The following PKD1L1 variants were observed in gnomAD, a reference collection of about 807,000 sequenced individuals.
PKD1L1 encodes the protein polycystin 1 like 1, transient receptor potential channel interacting.
PKD1L1 carries 236 observed loss-of-function variants against 323.4 expected under a neutral mutation model. The ratio of observed to expected loss-of-function variants is 0.73; its 90% CI spans 0.66 to 0.81. PKD1L1 has a LOEUF of 0.81. PKD1L1 is among the 40% of genes least tolerant of loss of function. The pLI, the probability that PKD1L1 is intolerant of heterozygous loss-of-function variation, is 0.00. For synonymous variants in PKD1L1, 1,344 were observed against 1,335.0 expected (o/e 1.01, Z -0.15); for missense variants, 3,320 against 3,508.0 (o/e 0.95, Z 1.35).
At chr7:47,838,876 C>CAAAA (rs57858359) in intron 36 of PKD1L1, among the ~76,000 whole-genome samples, 104 of 84,442 alleles carry the variant, frequency 1.2e-3, no homozygotes, top group Non-Finnish European at 1.3e-3. Flanking sequence ...GACTCCATCT[C>CAAAA]AAAAAAAAAA....
Position 47,936,845 on chromosome 7 carries a change from C to T in PKD1L1, c.398+1G>A. ...TATTTCGCCATGGTACATTGACATA[C>T]CTATCAGCACTGTTATCACAATCCA... On this transcript the variant is annotated splice_donor_variant, in intron 4 of 56. Transcript: ENST00000289672. LOFTEE classifies it high-confidence loss of function. The T allele has an allele frequency of 6.3e-7, 1 of 1,599,496 alleles. No individual in the cohort carries two copies. Among genetic ancestry groups the T allele is most frequent in the Non-Finnish European group, 8.5e-7 (1 of 1,173,226 alleles).
Position 47,873,990 on chromosome 7 carries a change from T to C in PKD1L1, c.3805A>G (p.Thr1269Ala). The change falls in exon 24 of 57, where the codon ACA (threonine) becomes GCA (alanine). Residue 1269 changes from threonine (T) to alanine (A), a missense_variant. Coordinates refer to ENST00000289672, the MANE Select transcript of PKD1L1 (RefSeq NM_138295.5). Reference sequence around the variant, plus strand: ...TGGACCTTGGAGCCTTTGCCATCTGTGATTTCAGTGGAAACCATGACTGTG... The same window carrying C: ...TGGACCTTGGAGCCTTTGCCATCTGCGATTTCAGTGGAAACCATGACTGTG... ...NYKVMVSTEI[T>A]DGKGSKVQPC... 1 of 1,612,338 alleles carries C rather than the reference T, an allele frequency of 6.2e-7. No individual in the cohort carries two copies. Among genetic ancestry groups the C allele is most frequent in the Non-Finnish European group, 8.5e-7 (1 of 1,178,622 alleles).
At chr7:47,930,875 A>G (rs1026738274) in intron 6 of PKD1L1, among the ~76,000 whole-genome samples, 3 of 152,222 alleles carry the variant, frequency 2.0e-5, no homozygotes, top group African/African-American at 7.2e-5. Context: ...CTTTAGTCTC[A>G]GTATGTGATT....
Position 47,929,489 on chromosome 7 carries a change from TG to T in PKD1L1, c.774del (p.Ser259AlafsTer24). On this transcript the variant is annotated frameshift_variant, in exon 7 of 57. Transcript: ENST00000289672. LOFTEE classifies it high-confidence loss of function. Reference sequence around the variant, plus strand: ...GAACCAGACTGCGATGCCGTGAAGCTGGGGGTGCGAGGAATGCCAGGCGGAA... The same window carrying T: ...GAACCAGACTGCGATGCCGTGAAGCTGGGGTGCGAGGAATGCCAGGCGGAA... ...HGLPPGIPRT[P>X]SFTASQSGSE... 6.2e-7 allele frequency: 1 copy of T among 1,613,994 alleles called. No homozygotes were observed. Among genetic ancestry groups the T allele is most frequent in the Non-Finnish European group, 8.5e-7 (1 of 1,179,948 alleles).
In PKD1L1 at chr7:47,855,221, T is replaced by C; in HGVS notation, c.4635A>G (p.Arg1545=). Residue 1545 remains arginine (R), a synonymous_variant, in exon 29 of 57, where the codon AGA becomes AGG. Coordinates refer to ENST00000289672, the MANE Select transcript of PKD1L1 (RefSeq NM_138295.5). ...TTAGCCATTGCCTGTTGATGGGTCT[T>C]CTGCTGGAGCAGGTATAGAGGTTGA... is the stretch of plus-strand genomic sequence containing the variant. The part of the protein sequence containing the change: ...VGLNLYTCSS[R]RPINRQWLRK... 1.2e-6 allele frequency: 2 copies of C among 1,614,196 alleles called. No individual in the cohort carries two copies. Among genetic ancestry groups the C allele is most frequent in the Non-Finnish European group, 1.7e-6 (2 of 1,180,034 alleles).
At chr7:47,911,542 A>C (rs893668925) in intron 8 of PKD1L1, among the ~76,000 whole-genome samples, 8 of 152,258 alleles carry the variant, frequency 5.3e-5, no homozygotes, top group African/African-American at 1.9e-4. Context: ...TAATAGAGCA[A>C]GTCCTGATGT....
In PKD1L1 at chr7:47,839,332, G is replaced by T; in HGVS notation, c.5769+114C>A. ...TCGTGGTAATTAACTAAGAAAAGAG[G>T]AATACACTTTAGAAGAGTTCAAAGA... On this transcript the variant is annotated intron_variant, in intron 36 of 56. Transcript: ENST00000289672. The surrounding 1 kb of genome is among the most constrained non-coding windows in gnomAD (Gnocchi z 4.3). 3 of 751,074 alleles carry T rather than the reference G, an allele frequency of 4.0e-6. No individual in the cohort carries two copies. The highest frequency in any genetic ancestry group is 2.8e-5 in the East Asian group (1 of 36,292). The allele number at this position is 751,074 out of a possible 1,614,324, so 46.5% of individuals were successfully genotyped here.
chr7:47,822,369 T>A (rs1785158642), intron 45 of PKD1L1, among the ~76,000 whole-genome samples: 1 of 151,586 alleles, frequency 6.6e-6, no homozygotes, highest in Admixed American at 6.6e-5. Context: ...GGCAGGCGGA[T>A]CACGAGGTCA....
intron 26 of PKD1L1, among the ~76,000 whole-genome samples, chr7:47,861,154 C>G (rs1786014822): frequency 1.3e-5 from 2 of 152,210 alleles, no homozygotes; most frequent in African/African-American, 4.8e-5. Flanking sequence ...GAAAAAATAT[C>G]TGTTGTATTC....
chr7:47,903,347 G>A (rs570186114), intron 12 of PKD1L1, among the ~76,000 whole-genome samples: 69 of 152,260 alleles, frequency 4.5e-4, no homozygotes, highest in African/African-American at 1.6e-3. Context: ...ACACTCTAGA[G>A]ATGACAGTGG....
At chr7:47,776,761 A>G (rs772838267) in intron 56 of PKD1L1, among the ~76,000 whole-genome samples, 5 of 152,260 alleles carry the variant, frequency 3.3e-5, no homozygotes, top group Non-Finnish European at 7.3e-5. Flanking sequence ...CGCAATAAAT[A>G]GCACCATTAT....
chr7:47,837,421 G>A (rs550896672), intron 36 of PKD1L1, among the ~76,000 whole-genome samples: 127 of 152,252 alleles, frequency 8.3e-4, no homozygotes, highest in African/African-American at 2.9e-3. Context: ...CTGCTATCAC[G>A]CTGGACTCTG....
chr7:47,835,168 C>A lies in PKD1L1; in HGVS notation c.6019G>T (p.Ala2007Ser). 3 of 1,595,952 alleles carry A rather than the reference C, an allele frequency of 1.9e-6. No individual in the cohort carries two copies. The highest frequency in any genetic ancestry group is 2.6e-6 in the Non-Finnish European group (3 of 1,172,824). The change falls in exon 38 of 57, where the codon GCC becomes TCC. Residue 2007 changes from alanine (A) to serine (S), a missense_variant. Coordinates refer to ENST00000289672, the MANE Select transcript of PKD1L1 (RefSeq NM_138295.5). Reference protein sequence around the residue: ...LLCTLLASPGAQLLSLLFRLS... With the variant: ...LLCTLLASPGSQLLSLLFRLS... Reference sequence around the variant, plus strand: ...CTGAAGAGCAGGGACAAGAGCTGGGCCCCTGGAGAAGCCAGGAGGGTACAC... The same window carrying A: ...CTGAAGAGCAGGGACAAGAGCTGGGACCCTGGAGAAGCCAGGAGGGTACAC...
intron 45 of PKD1L1, among the ~76,000 whole-genome samples, chr7:47,825,462 C>G (rs909276184): frequency 7.4e-5 from 11 of 149,244 alleles, no homozygotes; most frequent in Admixed American, 2.0e-4. Flanking sequence ...ACCTGAGAGG[C>G]GGGGGTTGCA....
At position 47,791,158 on chromosome 7, in the gene PKD1L1, C is replaced by T. The variant is rs1455075286; in HGVS notation, c.8526+1469G>A. On this transcript the variant is annotated intron_variant, in intron 56 of 56. Coordinates refer to ENST00000289672, the MANE Select transcript of PKD1L1 (RefSeq NM_138295.5). ...AAATTATATTTTAAAATATTTTTTTCTGTTCAAATTTTCTGGGCTTTTTTA... is the reference window on the plus strand; with the variant it reads ...AAATTATATTTTAAAATATTTTTTTTTGTTCAAATTTTCTGGGCTTTTTTA... Among the ~76,000 whole-genome samples the T allele has an allele frequency of 3.3e-5, 5 of 151,956 alleles. No homozygotes were observed. In the East Asian group the frequency reaches 9.6e-4, roughly 29 times the overall value.
At chr7:47,947,026 T>A (rs1352348819) in intron 1 of PKD1L1, among the ~76,000 whole-genome samples, 1 of 152,178 alleles carries the variant, frequency 6.6e-6, no homozygotes, top group Non-Finnish European at 1.5e-5. Flanking sequence ...ATCAAGGCTC[T>A]GGGAGTCTGC....
At chr7:47,959,756 G>GC in the PKD1L1 span, among the ~76,000 whole-genome samples, 1 of 145,160 alleles carries the variant, frequency 6.9e-6, no homozygotes, top group African/African-American at 2.5e-5. Flanking sequence ...GGAGGGGTCA[G>GC]CCCCCCGCCC....
rs1786397862 is a variant in PKD1L1, at chr7:47,876,101, G to A, written c.3780C>T (p.Tyr1260=). The A allele has an allele frequency of 6.2e-7, 1 of 1,614,034 alleles. No homozygotes were observed. The highest frequency in any genetic ancestry group is 8.5e-7 in the Non-Finnish European group (1 of 1,179,928). Residue 1260 remains tyrosine, a synonymous_variant, in exon 23 of 57, where the codon TAC becomes TAT. Coordinates refer to ENST00000289672, the MANE Select transcript of PKD1L1 (RefSeq NM_138295.5). ...CCAACTGGCACCATAGCTTACCTTT[G>A]TAATTGTCCAAGTGCTCACCAGCTG... ...VLPAGEHLDN[Y]KVMVSTEITD...
intron 26 of PKD1L1, among the ~76,000 whole-genome samples, chr7:47,860,171 C>T (rs1196958948): frequency 1.3e-5 from 2 of 152,110 alleles, no homozygotes; most frequent in Non-Finnish European, 2.9e-5. Context: ...AAAAATATGC[C>T]CACAATGCCA....
Sources: gnomAD v4.1 joint callset for allele counts (sites outside exome capture counted in the v4.1 genomes callset) on GRCh38, gnomAD v4.1.1 for gene constraint, Gnocchi (gnomAD v3.1) non-coding constraint, MANE v1.5 for transcripts, NCBI Gene and HGNC (gene_info 2026-07-23, HGNC 2026-07-21) for gene names.